Variants in LAMA3 observed in about 807,000 individuals in gnomAD.
LAMA3 encodes the protein laminin subunit alpha-3.
In LAMA3, 281 loss-of-function variants were observed where a neutral mutation model predicts 402.0. The ratio of observed to expected loss-of-function variants is 0.70; its 90% CI spans 0.63 to 0.77. The LOEUF (loss-of-function observed/expected upper bound fraction) is 0.77. LAMA3 is among the 30% of genes least tolerant of loss of function. The probability of loss-of-function intolerance (pLI) is 0.00; values close to 1 mark genes in which losing one functional copy is unlikely to be tolerated. For synonymous variants in LAMA3, 1,431 were observed against 1,558.4 expected (o/e 0.92, Z 1.93); for missense variants, 3,840 against 4,215.5 (o/e 0.91, Z 2.47).
intron 7 of LAMA3, among the ~76,000 whole-genome samples, chr18:23,762,610 A>G (rs943398668): frequency 6.6e-6 from 1 of 151,780 alleles, no homozygotes; most frequent in African/African-American, 2.4e-5. Context: ...ATTTACTTGA[A>G]CCAAAATGAG....
intron 12 of LAMA3, among the ~76,000 whole-genome samples, chr18:23,807,406 C>T (rs571604711): frequency 4.0e-5 from 6 of 151,842 alleles, no homozygotes; most frequent in African/African-American, 1.2e-4. Flanking sequence ...TAGATAGGTA[C>T]GTAGATAGAG....
chr18:23,862,999 G>C (rs1004076948), intron 35 of LAMA3, among the ~76,000 whole-genome samples: 3 of 152,016 alleles, frequency 2.0e-5, no homozygotes, highest in African/African-American at 7.2e-5. Flanking sequence ...GTAACAGGGT[G>C]GGGGAGAGAG....
At position 23,768,165 on chromosome 18, in the gene LAMA3, CAAA is replaced by C. The variant is rs58720366; in HGVS notation, c.1182+4654_1182+4656del. The stretch of plus-strand genomic sequence containing the variant: ...ATTAAACTAAAGAGCTTCTATACTA[CAAA>C]AAAAAAAAAAACTATCAGCAGAGTA... On this transcript the variant is annotated intron_variant, in intron 8 of 74. Transcript: ENST00000313654. Among the ~76,000 whole-genome samples, 869 of 142,176 alleles carry C rather than the reference CAAA, an allele frequency of 6.1e-3. 8 individuals are homozygous for C. The highest frequency in any genetic ancestry group is 0.021 in the African/African-American group (820 of 38,702). The allele number at this position is 142,176 out of a possible 152,430, so 93.3% of individuals were successfully genotyped here.
At chr18:23,771,947 C>A (rs1400381948) in intron 8 of LAMA3, among the ~76,000 whole-genome samples, 1 of 152,166 alleles carries the variant, frequency 6.6e-6, no homozygotes, top group Non-Finnish European at 1.5e-5. Context: ...TGAAGATTAT[C>A]CCCATTGTTT....
chr18:23,788,776 A>T (rs1012694410), intron 12 of LAMA3, among the ~76,000 whole-genome samples: 1 of 151,980 alleles, frequency 6.6e-6, no homozygotes, highest in South Asian at 2.1e-4. Context: ...ATTGGATTTC[A>T]TCAAAGTTAA....
intron 74 of LAMA3, among the ~76,000 whole-genome samples, chr18:23,953,875 T>G (rs1299994496): frequency 6.6e-6 from 1 of 152,202 alleles, no homozygotes; most frequent in Non-Finnish European, 1.5e-5. Flanking sequence ...CATTCTTCAT[T>G]GTTTTCTGTC....
At chr18:23,774,410 T>C (rs1428485098) in intron 9 of LAMA3, among the ~76,000 whole-genome samples, 1 of 152,234 alleles carries the variant, frequency 6.6e-6, no homozygotes, top group Non-Finnish European at 1.5e-5. Context: ...TGTATTATTG[T>C]CCTCATTTTT....
chr18:23,939,201 G>C, intron 67 of LAMA3, 22 bp from the exon 68 acceptor site: 4 of 1,612,218 alleles, frequency 2.5e-6, no homozygotes, highest in Non-Finnish European at 3.4e-6. Context: ...CCTGATAATT[G>C]TGTTGCTCTT....
intron 2 of LAMA3, among the ~76,000 whole-genome samples, chr18:23,730,862 G>A (rs2061383247): frequency 6.6e-6 from 1 of 152,030 alleles, no homozygotes; most frequent in African/African-American, 2.4e-5. Context: ...AGTATTTCTT[G>A]TTTTACATTG....
At chr18:23,822,527 T>G (rs1413818258) in intron 20 of LAMA3, 152 bp downstream of exon 20, 1 of 787,798 alleles carries the variant, frequency 1.3e-6, no homozygotes, top group African/African-American at 1.7e-5. Flanking sequence ...CCCTGTCGTT[T>G]GTTACCTTGC....
In LAMA3 at chr18:23,815,475, G is replaced by C. The variant is rs748719395; in HGVS notation, c.1949G>C (p.Gly650Ala). Residue 650 changes from glycine (G) to alanine (A), a missense_variant, in exon 17 of 75, where the codon GGT (glycine) becomes GCT (alanine). This residue lies in a region of LAMA3 where 2,109 missense variants were observed against 2,376.0 expected (regional missense o/e 0.89). Transcript: ENST00000313654. ...TGGCTCACTGTTCTGCAGGGAGATG[G>C]TGACTGTCACTGCAAGTCCCATGTG... ...SGTGECRQGD[G>A]DCHCKSHVGG... The C allele has an allele frequency of 6.2e-7, 1 of 1,612,444 alleles. No individual in the cohort carries two copies. The highest frequency in any genetic ancestry group is 1.3e-5 in the African/African-American group (1 of 74,888).
At chr18:23,927,287 A>G (rs2145363954) in intron 62 of LAMA3, among the ~76,000 whole-genome samples, 1 of 152,218 alleles carries the variant, frequency 6.6e-6, no homozygotes, top group Middle Eastern at 3.4e-3. Flanking sequence ...CTCCAACCTC[A>G]GCTCCCGGGT....
At position 23,888,656 on chromosome 18, in the gene LAMA3, A is replaced by G. The variant is rs2080526230; in HGVS notation, c.5304-1355A>G. 3.3e-5 allele frequency among the ~76,000 whole-genome samples: 5 copies of G among 152,322 alleles called. No individual in the cohort carries two copies. The South Asian group carries it at 1.0e-3, about 32-fold the overall frequency. On this transcript the variant is annotated intron_variant, in intron 41 of 74. Coordinates refer to ENST00000313654, the MANE Select transcript of LAMA3 (RefSeq NM_198129.4). ...CCAGATCTTACTGATCCTTTACATT[A>G]TATCAACAGTGTATCCATGGTAATA...
intron 6 of LAMA3, among the ~76,000 whole-genome samples, chr18:23,757,435 C>A (rs762445940): frequency 6.6e-6 from 1 of 151,906 alleles, no homozygotes; most frequent in East Asian, 2.0e-4. Context: ...CCTCCCCTTC[C>A]TCCTCTCCAG....
At chr18:23,893,147 A>AATATT (rs1434663344) in intron 42 of LAMA3, among the ~76,000 whole-genome samples, 3 of 152,206 alleles carry the variant, frequency 2.0e-5, no homozygotes, top group Non-Finnish European at 4.4e-5. Flanking sequence ...CAAAGTGTGG[A>AATATT]ATATTATTGG....
intron 5 of LAMA3, among the ~76,000 whole-genome samples, 166 bp downstream of exon 5, chr18:23,751,254 T>C (rs1281077814): frequency 6.6e-6 from 1 of 152,172 alleles, no homozygotes; most frequent in Non-Finnish European, 1.5e-5. Context: ...TTATATCTAA[T>C]GACTTATAAA....
chr18:23,949,126 C>T (rs2082815525), intron 70 of LAMA3, among the ~76,000 whole-genome samples: 1 of 152,194 alleles, frequency 6.6e-6, no homozygotes, highest in Non-Finnish European at 1.5e-5. Flanking sequence ...CCTGTTCCAG[C>T]CGGCTCTAGG....
chr18:23,845,294 G>T (rs537181091), intron 30 of LAMA3, among the ~76,000 whole-genome samples, 170 bp downstream of exon 30: 7 of 152,134 alleles, frequency 4.6e-5, no homozygotes, highest in Admixed American at 2.0e-4. Context: ...ACCAACCCTC[G>T]CATGACAGAC....
chr18:23,714,617 T>C (rs1415294821), intron 2 of LAMA3, among the ~76,000 whole-genome samples: 1 of 152,190 alleles, frequency 6.6e-6, no homozygotes, highest in African/African-American at 2.4e-5. Flanking sequence ...TAATTGTAAA[T>C]AGTTTCATTG....
Sources: allele counts gnomAD v4.1 joint callset (sites outside exome capture counted in the v4.1 genomes callset), GRCh38; gene constraint gnomAD v4.1.1; regional missense constraint gnomAD v4.1.1; transcripts MANE v1.5; gene names NCBI Gene and HGNC (gene_info 2026-07-23, HGNC 2026-07-21).